Variants in PPP4R3B observed in about 807,000 individuals in gnomAD.
The protein encoded by PPP4R3B is serine/threonine-protein phosphatase 4 regulatory subunit 3B.
PPP4R3B carries 52 observed loss-of-function variants against 95.4 expected under a neutral mutation model. The ratio of observed to expected loss-of-function variants is 0.54; its 90% CI spans 0.44 to 0.69. The LOEUF (loss-of-function observed/expected upper bound fraction) is 0.69, where lower values mean the gene tolerates loss of function less well. PPP4R3B is among the 30% of genes least tolerant of loss of function. The pLI is 0.00. For synonymous variants in PPP4R3B, 407 were observed against 343.9 expected (o/e 1.18, Z -2.03); for missense variants, 1,003 against 1,005.9 (o/e 1.00, Z 0.04).
chr2:55,595,352 G>A (rs981526860), intron 4 of PPP4R3B, among the ~76,000 whole-genome samples: 4 of 151,934 alleles, frequency 2.6e-5, no homozygotes, highest in Non-Finnish European at 4.4e-5. Flanking sequence ...TGCAGAGGCT[G>A]GGTACAGTGG....
intron 16 of PPP4R3B, among the ~76,000 whole-genome samples, chr2:55,551,094 G>A (rs923883741): frequency 6.6e-6 from 1 of 152,152 alleles, no homozygotes; most frequent in Non-Finnish European, 1.5e-5. Context: ...GCTTATGCCT[G>A]TAATCCCAGC....
rs1207867911 is a variant in PPP4R3B, at chr2:55,568,341, C to T, written c.1788G>A (p.Arg596=). The T allele has an allele frequency of 6.3e-7, 1 of 1,599,590 alleles. No homozygotes were observed. The highest frequency in any genetic ancestry group is 2.2e-5 in the East Asian group (1 of 44,528). Reference sequence around the variant, plus strand: ...AAAATTCATCTTTAAGTCCAATTATCCGCCTCATAAAGCGAAGGGCACCTA... The same window carrying T: ...AAAATTCATCTTTAAGTCCAATTATTCGCCTCATAAAGCGAAGGGCACCTA... ...LALCALRFMR[R]IIGLKDEFYN... The change falls in exon 13 of 17, where the codon CGG becomes CGA. Residue 596 remains arginine (R), a synonymous_variant. Coordinates refer to ENST00000616407, the MANE Select transcript of PPP4R3B (RefSeq NM_001122964.3).
At chr2:55,617,076 G>GGCCCTAAACCCAAGCTGT in intron 1 of PPP4R3B, 68 bp downstream of exon 1, 1 of 1,502,508 alleles carries the variant, frequency 6.7e-7, no homozygotes, top group Non-Finnish European at 8.9e-7. Context: ...ACGGGCCCAG[G>GGCCCTAAACCCAAGCTGT]GCCCTAAACC....
intron 5 of PPP4R3B, among the ~76,000 whole-genome samples, chr2:55,588,273 G>A (rs1690438561): frequency 6.6e-6 from 1 of 152,154 alleles, no homozygotes; most frequent in African/African-American, 2.4e-5. Flanking sequence ...CAGCACTTTA[G>A]GAGGCCAAGG....
At chr2:55,554,151 G>A (rs558699178) in intron 16 of PPP4R3B, among the ~76,000 whole-genome samples, 2 of 152,148 alleles carry the variant, frequency 1.3e-5, no homozygotes, top group East Asian at 3.9e-4. Flanking sequence ...TGCAACCTCT[G>A]CCCGCTGGGC....
rs1472655963 is a variant in PPP4R3B at position 55,558,818 on chromosome 2, G to T, written c.2411C>A (p.Ser804Tyr). ...QIPPATSNGS[S>Y]SKTTNLPTSV... ...CGTAGGCAAGTTTGTGGTTTTGGAA[G>T]AGGATCCATTAGAAGTTGCTGGTGG... The change falls in exon 16 of 17, where the codon TCT (serine) becomes TAT (tyrosine). Residue 804 changes from serine (S) to tyrosine (Y), a missense_variant. Physicochemically the swap from Ser to Tyr is moderately radical, Grantham distance 144. Transcript: ENST00000616407. The T allele has an allele frequency of 6.2e-7, 1 of 1,612,896 alleles. No homozygotes were observed. Among genetic ancestry groups the T allele is most frequent in the Non-Finnish European group, 8.5e-7 (1 of 1,179,364 alleles).
At chr2:55,569,090 C>G (rs1687653635) in intron 12 of PPP4R3B, among the ~76,000 whole-genome samples, 1 of 151,918 alleles carries the variant, frequency 6.6e-6, no homozygotes. Flanking sequence ...TTATAATAAT[C>G]CTCGCTCTAC....
At chr2:55,594,747 G>A (rs1241029652) in intron 4 of PPP4R3B, among the ~76,000 whole-genome samples, 1 of 152,040 alleles carries the variant, frequency 6.6e-6, no homozygotes, top group African/African-American at 2.4e-5. Context: ...AAGTGAAATA[G>A]CACCCTGAAT....
chr2:55,591,204 G>A (rs1291559012), intron 4 of PPP4R3B, among the ~76,000 whole-genome samples: 1 of 149,642 alleles, frequency 6.7e-6, no homozygotes. Context: ...TGGTACAAAC[G>A]TGGCTCAGTG....
At position 55,549,611 on chromosome 2, in the gene PPP4R3B, C is replaced by G. The variant is rs1386841186; in HGVS notation, c.*300G>C. On this transcript the variant is annotated 3_prime_UTR_variant, in exon 17 of 17. Transcript: ENST00000616407. ...CATTATTATATCAACCTTTTCCCCT[C>G]CCCTAAACCGTCCCCAAACCTGTGA... 1.8e-5 allele frequency: 6 copies of G among 339,678 alleles called. No homozygotes were observed. Among genetic ancestry groups the G allele is most frequent in the Non-Finnish European group, 2.7e-5 (5 of 186,340 alleles). The allele number at this position is 339,678 out of a possible 1,614,324, so 21.0% of individuals were successfully genotyped here. A position where few individuals can be genotyped will look rare whatever the true frequency, so the allele number is the denominator to read the frequency against.
chr2:55,613,209 C>G (rs1014886478), intron 2 of PPP4R3B, among the ~76,000 whole-genome samples: 4 of 151,968 alleles, frequency 2.6e-5, no homozygotes, highest in Non-Finnish European at 5.9e-5. Context: ...CCCTAAATGG[C>G]CCTATGATTT....
At chr2:55,552,568 A>T (rs1685372547) in intron 16 of PPP4R3B, among the ~76,000 whole-genome samples, 1 of 152,024 alleles carries the variant, frequency 6.6e-6, no homozygotes, top group African/African-American at 2.4e-5. Flanking sequence ...TAACTTTTGT[A>T]TTTTTAGTAG....
At chr2:55,551,753 A>AAAAT (rs34049444) in intron 16 of PPP4R3B, among the ~76,000 whole-genome samples, 34,170 of 151,148 alleles carry the variant, frequency 0.23, 3,972 homozygotes, top group East Asian at 0.34. Context: ...CTCCATCTCA[A>AAAAT]AAATAAATAA....
At chr2:55,575,039 G>A (rs1482912621) in intron 11 of PPP4R3B, among the ~76,000 whole-genome samples, 1 of 143,568 alleles carries the variant, frequency 7.0e-6, no homozygotes, top group South Asian at 2.2e-4. Flanking sequence ...CCGGGTTCAC[G>A]CCATTCTCCT....
In PPP4R3B at chr2:55,588,973, A is replaced by G. The variant is rs761404042; in HGVS notation, c.922-17T>C. The G allele has an allele frequency of 1.2e-5, 18 of 1,476,474 alleles. No individual in the cohort carries two copies. The highest frequency in any genetic ancestry group is 9.4e-7 in the Non-Finnish European group (1 of 1,062,812). 91.5% of individuals were successfully genotyped at this position (1,476,474 alleles called of 1,614,324 possible). ...CTCATCTTCCTGCATGAGAAAAATA[A>G]TTACTATGAAATATTAACAAAAGAA... On this transcript the variant is annotated splice_polypyrimidine_tract_variant and intron_variant, in intron 4 of 16. Transcript: ENST00000616407.
At chr2:55,582,485 A>G (rs1461281487) in intron 7 of PPP4R3B, among the ~76,000 whole-genome samples, 1 of 152,224 alleles carries the variant, frequency 6.6e-6, no homozygotes, top group Non-Finnish European at 1.5e-5. Context: ...TGATTGGGAA[A>G]TATAAAGAAA....
At position 55,558,778 on chromosome 2, in the gene PPP4R3B, G is replaced by A; in HGVS notation, c.2451C>T (p.Thr817=). The A allele has an allele frequency of 6.2e-7, 1 of 1,602,024 alleles. No individual in the cohort carries two copies. Among genetic ancestry groups the A allele is most frequent in the Non-Finnish European group, 8.5e-7 (1 of 1,172,348 alleles). Residue 817 remains threonine, a synonymous_variant, in exon 16 of 17, where the codon ACC becomes ACT. Coordinates refer to ENST00000616407, the MANE Select transcript of PPP4R3B (RefSeq NM_001122964.3). ...TTNLPTSVTA[T]KGSLVGLVDY... ...TGTGTAATGCTGTTTCACCTACCTT[G>A]GTGGCTGTTACTGACGTAGGCAAGT...
chr2:55,608,849 G>C (rs750452236), intron 2 of PPP4R3B, among the ~76,000 whole-genome samples: 1 of 152,110 alleles, frequency 6.6e-6, no homozygotes, highest in Non-Finnish European at 1.5e-5. Context: ...GCCAGGTATG[G>C]TGGTATGCGC....
intron 12 of PPP4R3B, among the ~76,000 whole-genome samples, chr2:55,571,493 T>A (rs1007381840): frequency 6.6e-6 from 1 of 152,076 alleles, no homozygotes; most frequent in Admixed American, 6.6e-5. Flanking sequence ...CAACCAGTTA[T>A]CATGAAAGAA....
Sources: allele counts gnomAD v4.1 joint callset (sites outside exome capture counted in the v4.1 genomes callset), GRCh38; gene constraint gnomAD v4.1.1; transcripts MANE v1.5; gene names NCBI Gene and HGNC (gene_info 2026-07-23, HGNC 2026-07-21).